LRMDA: variants seen among roughly 807,000 people sequenced by gnomAD.
LRMDA encodes leucine-rich melanocyte differentiation-associated protein.
Under a neutral mutation model 29.8 loss-of-function variants are expected in LRMDA, and 18 were observed. The ratio of observed to expected loss-of-function variants is 0.60; its 90% confidence interval spans 0.42 to 0.90. The LOEUF is 0.90. LRMDA is among the 40% of genes least tolerant of loss of function. The probability of loss-of-function intolerance (pLI) is 0.00; values close to 1 mark genes in which losing one functional copy is unlikely to be tolerated. For missense variants in LRMDA, 273 were observed against 273.9 expected, an observed-to-expected ratio of 1.00 and a Z score of 0.02; for synonymous variants, 125 against 109.4, an observed-to-expected ratio of 1.14 and a Z score of -0.89.
At chr10:75,486,646 G>A (rs994251886) in intron 2 of LRMDA, among the ~76,000 whole-genome samples, 14 of 151,382 alleles carry the variant, frequency 9.2e-5, no homozygotes, top group Non-Finnish European at 1.8e-4. Context: ...ATTCTGGTCT[G>A]GGGGGGGCAA....
chr10:75,817,471 T>C (rs1459040248), intron 2 of LRMDA, among the ~76,000 whole-genome samples: 2 of 152,154 alleles, frequency 1.3e-5, no homozygotes, highest in African/African-American at 4.8e-5. Flanking sequence ...AAATAAACCA[T>C]GTGATACAGT....
chr10:75,618,818 C>T (rs1401551148), intron 2 of LRMDA, among the ~76,000 whole-genome samples: 1 of 150,054 alleles, frequency 6.7e-6, no homozygotes, highest in Non-Finnish European at 1.5e-5. Context: ...CTCTTGTTGC[C>T]CTGGCTGGAG....
chr10:76,520,427 G>A (rs1464272277), intron 6 of LRMDA, among the ~76,000 whole-genome samples: 1 of 151,844 alleles, frequency 6.6e-6, no homozygotes, highest in Admixed American at 6.6e-5. Flanking sequence ...TCTATTTCAA[G>A]ATGACGTCAA....
At chr10:75,781,248 T>C (rs987517878) in intron 2 of LRMDA, among the ~76,000 whole-genome samples, 1 of 152,196 alleles carries the variant, frequency 6.6e-6, no homozygotes, top group African/African-American at 2.4e-5. Context: ...ATTTTGCATT[T>C]TTCATTCACC....
chr10:76,014,193 TTC>T (rs1201291683), intron 2 of LRMDA, among the ~76,000 whole-genome samples: 1 of 142,898 alleles, frequency 7.0e-6, no homozygotes, highest in Non-Finnish European at 1.5e-5. Context: ...GTTATGCCTA[TTC>T]ATTTACATAT....
chr10:75,600,790 C>T (rs1356939955), intron 2 of LRMDA, among the ~76,000 whole-genome samples: 1 of 152,210 alleles, frequency 6.6e-6, no homozygotes, highest in Non-Finnish European at 1.5e-5. Context: ...CTAAGTTCTG[C>T]CTGGACCTTT....
chr10:75,653,859 C>T (rs1038309222), intron 2 of LRMDA, among the ~76,000 whole-genome samples: 5 of 152,218 alleles, frequency 3.3e-5, no homozygotes, highest in Non-Finnish European at 5.9e-5. Flanking sequence ...AAAATGTCAT[C>T]GGCATTCCTT....
chr10:75,980,474 G>A (rs1360631424), intron 2 of LRMDA, among the ~76,000 whole-genome samples: 1 of 152,226 alleles, frequency 6.6e-6, no homozygotes, highest in African/African-American at 2.4e-5. Context: ...CTTACAGTGG[G>A]TAAGGTTTGG....
intron 5 of LRMDA, among the ~76,000 whole-genome samples, chr10:76,078,295 C>A (rs1295131641): frequency 6.6e-6 from 1 of 151,884 alleles, no homozygotes; most frequent in Non-Finnish European, 1.5e-5. Context: ...AGACATGAGC[C>A]ACGGCTCCCG....
chr10:75,921,985 C>T (rs1046346696), intron 2 of LRMDA, among the ~76,000 whole-genome samples: 10 of 152,202 alleles, frequency 6.6e-5, no homozygotes, highest in African/African-American at 2.2e-4. Context: ...TTCCCCCCAA[C>T]ATTGGCCTCC....
At chr10:75,887,696 T>G (rs1346656273) in intron 2 of LRMDA, among the ~76,000 whole-genome samples, 1 of 152,204 alleles carries the variant, frequency 6.6e-6, no homozygotes, top group Non-Finnish European at 1.5e-5. Context: ...TATCTGGCCC[T>G]TTACAGAAAA....
intron 2 of LRMDA, among the ~76,000 whole-genome samples, chr10:75,830,299 C>T (rs1004178654): frequency 2.0e-5 from 3 of 152,076 alleles, no homozygotes; most frequent in African/African-American, 7.2e-5. Flanking sequence ...TTGTGTATGC[C>T]AGGGGTTTGG....
intron 6 of LRMDA, among the ~76,000 whole-genome samples, chr10:76,454,290 C>G (rs1842435239): frequency 6.6e-6 from 1 of 152,090 alleles, no homozygotes; most frequent in African/African-American, 2.4e-5. Context: ...TACTGACGTG[C>G]TAAATGTTGG....
intron 2 of LRMDA, among the ~76,000 whole-genome samples, chr10:75,492,235 A>G (rs965951991): frequency 1.1e-4 from 16 of 152,300 alleles, no homozygotes; most frequent in African/African-American, 3.8e-4. Flanking sequence ...GGATGAATTC[A>G]CATGTGAATT....
At chr10:76,144,265 C>T (rs549242448) in intron 5 of LRMDA, among the ~76,000 whole-genome samples, 5 of 152,278 alleles carry the variant, frequency 3.3e-5, no homozygotes, top group African/African-American at 1.2e-4. Flanking sequence ...GGCATTGAAT[C>T]TATAAATTAC....
chr10:76,047,286 A>G lies in LRMDA; in HGVS notation c.381A>G (p.Glu127=). Residue 127 remains glutamate (E), a synonymous_variant, in exon 4 of 7, where the codon GAA becomes GAG. Coordinates refer to ENST00000611255, the MANE Select transcript of LRMDA (RefSeq NM_001305581.2). The part of the protein sequence containing the change: ...NELVSLEKDE[E]DYKRYRCFVL... ...TGGTCAGCTTGGAAAAGGATGAGGA[A>G]GACTACAAGAGATACAGGTGAGTGT... 6.2e-7 allele frequency: 1 copy of G among 1,612,162 alleles called. No individual in the cohort carries two copies. Among genetic ancestry groups the G allele is most frequent in the African/African-American group, 1.3e-5 (1 of 74,940 alleles).
intron 2 of LRMDA, among the ~76,000 whole-genome samples, chr10:75,474,013 G>A (rs1052733920): frequency 2.6e-5 from 4 of 152,304 alleles, no homozygotes; most frequent in East Asian, 3.9e-4. Context: ...ATGCTGATAC[G>A]CCTGGTTTGT....
chr10:75,742,208 A>T (rs1334613395), intron 2 of LRMDA, among the ~76,000 whole-genome samples: 2 of 152,264 alleles, frequency 1.3e-5, no homozygotes, highest in African/African-American at 4.8e-5. Flanking sequence ...AAAGTTTTTC[A>T]TACACATATC....
chr10:76,383,415 C>CTTTTT (rs1157185768), intron 6 of LRMDA, among the ~76,000 whole-genome samples: 11 of 87,284 alleles, frequency 1.3e-4, no homozygotes, highest in East Asian at 3.5e-4. Context: ...AATGTCTTTT[C>CTTTTT]TTTTTTTTTT....
Sources: gnomAD v4.1 joint callset for allele counts (sites outside exome capture counted in the v4.1 genomes callset) on GRCh38, gnomAD v4.1.1 for gene constraint, MANE v1.5 for transcripts, NCBI Gene and HGNC (gene_info 2026-07-23, HGNC 2026-07-21) for gene names.